ERC2: variants seen among roughly 807,000 people sequenced by gnomAD.
The protein encoded by ERC2 is ERC protein 2.
A neutral mutation model predicts 114.8 loss-of-function variants in ERC2; 42 were observed. That is an observed-to-expected ratio of 0.37 (90% CI 0.29 to 0.47). The LOEUF (loss-of-function observed/expected upper bound fraction) is 0.47, where lower values mean the gene tolerates loss of function less well. Among genes scored for constraint, ERC2 ranks in the 20% least tolerant of loss-of-function variants. ERC2 has a pLI of 0.99. For synonymous variants in ERC2, 454 were observed against 425.5 expected (o/e 1.07, Z -0.82); for missense variants, 939 against 1,150.7 (o/e 0.82, Z 2.66).
At chr3:55,776,588 G>A (rs1212910709) in intron 14 of ERC2, among the ~76,000 whole-genome samples, 1 of 152,196 alleles carries the variant, frequency 6.6e-6, no homozygotes, top group Non-Finnish European at 1.5e-5. Flanking sequence ...AGTTACTCAT[G>A]TGAGCCTGGG....
At chr3:55,554,743 G>A (rs991475914) in intron 17 of ERC2, among the ~76,000 whole-genome samples, 23 of 151,058 alleles carry the variant, frequency 1.5e-4, no homozygotes, top group African/African-American at 4.4e-4. Context: ...CCCCTTCCCC[G>A]TGCTGCAAGC....
At chr3:56,007,847 T>G (rs999706148) in intron 9 of ERC2, among the ~76,000 whole-genome samples, 1 of 152,122 alleles carries the variant, frequency 6.6e-6, no homozygotes, top group Non-Finnish European at 1.5e-5. Flanking sequence ...AACATAAAAT[T>G]ATTTTAAAAT....
intron 2 of ERC2, among the ~76,000 whole-genome samples, chr3:56,334,951 C>T (rs917252842): frequency 2.0e-5 from 3 of 152,122 alleles, no homozygotes; most frequent in African/African-American, 7.2e-5. Flanking sequence ...ACTACAGGCA[C>T]GTGCCACCAT....
At chr3:55,994,919 C>T (rs2071389422) in intron 10 of ERC2, among the ~76,000 whole-genome samples, 2 of 152,200 alleles carry the variant, frequency 1.3e-5, no homozygotes, top group South Asian at 4.1e-4. Context: ...CCACTGTTGA[C>T]ATCATTTGAT....
chr3:55,910,706 G>A (rs545944869), intron 13 of ERC2, among the ~76,000 whole-genome samples: 2 of 152,284 alleles, frequency 1.3e-5, no homozygotes, highest in East Asian at 1.9e-4. Context: ...GCACCCTGTT[G>A]AGTCATCATT....
intron 16 of ERC2, among the ~76,000 whole-genome samples, chr3:55,690,077 A>G (rs1338153104): frequency 6.6e-6 from 1 of 152,212 alleles, no homozygotes; most frequent in East Asian, 1.9e-4. Context: ...TGATTCTTAA[A>G]TATTTTAGAG....
intron 12 of ERC2, among the ~76,000 whole-genome samples, chr3:55,978,174 C>T (rs1045119497): frequency 2.6e-5 from 4 of 152,112 alleles, no homozygotes; most frequent in East Asian, 1.9e-4. Context: ...ATCCTCTAAA[C>T]GCAATATCAG....
chr3:56,389,645 C>T (rs1359707689), intron 2 of ERC2, among the ~76,000 whole-genome samples: 1 of 152,182 alleles, frequency 6.6e-6, no homozygotes, highest in Non-Finnish European at 1.5e-5. Context: ...CCTGCTGCTT[C>T]CCCAGAGGAC....
intron 2 of ERC2, among the ~76,000 whole-genome samples, chr3:56,351,726 T>C (rs759619459): frequency 3.9e-5 from 6 of 152,194 alleles, no homozygotes; most frequent in Non-Finnish European, 7.4e-5. Flanking sequence ...GATGTAGCTC[T>C]GGCATGTGTA....
At chr3:55,736,571 A>G (rs2065648221) in intron 14 of ERC2, among the ~76,000 whole-genome samples, 1 of 152,144 alleles carries the variant, frequency 6.6e-6, no homozygotes. Flanking sequence ...TTGACGCTCC[A>G]TGAAATTGGG....
intron 17 of ERC2, among the ~76,000 whole-genome samples, chr3:55,512,374 C>T (rs1414861745): frequency 6.6e-6 from 1 of 152,182 alleles, no homozygotes; most frequent in Non-Finnish European, 1.5e-5. Context: ...TTAGGGAGTT[C>T]CTAGAGCAGA....
rs543625368 is a variant in ERC2 at position 55,950,383 on chromosome 3, T to C, written c.2403+42A>G. The C allele has an allele frequency of 1.4e-5, 22 of 1,608,712 alleles. No individual in the cohort carries two copies. In the African/African-American group the frequency reaches 2.8e-4, roughly 21 times the overall value. On this transcript the variant is annotated intron_variant, in intron 13 of 17. Coordinates refer to ENST00000288221, the MANE Select transcript of ERC2 (RefSeq NM_015576.3). ...ATGGTGACATTTCTGAGAGAGTCCA[T>C]CTCTAGTTATTTAGCGATTAAGAAG...
chr3:56,428,172 G>A (rs1490913915), intron 2 of ERC2, among the ~76,000 whole-genome samples: 1 of 152,054 alleles, frequency 6.6e-6, no homozygotes, highest in Non-Finnish European at 1.5e-5. Context: ...ATCATATCTG[G>A]ACACTCACAA....
At chr3:55,606,598 G>T (rs937554245) in intron 17 of ERC2, 1 of 152,184 alleles carries the variant, frequency 6.6e-6, no homozygotes, top group Non-Finnish European at 1.5e-5. Flanking sequence ...TTCTACACTG[G>T]TGGGAATCAT....
chr3:56,382,580 A>G (rs1294091696), intron 2 of ERC2, among the ~76,000 whole-genome samples: 1 of 152,138 alleles, frequency 6.6e-6, no homozygotes, highest in African/African-American at 2.4e-5. Flanking sequence ...TTTGAAACAA[A>G]TGATCATGCC....
chr3:55,536,985 G>A (rs955169024), intron 17 of ERC2, among the ~76,000 whole-genome samples: 1 of 152,132 alleles, frequency 6.6e-6, no homozygotes, highest in Non-Finnish European at 1.5e-5. Flanking sequence ...GCTGACAGAG[G>A]GCAAAAGAAA....
At chr3:56,105,488 C>T (rs373683553) in intron 6 of ERC2, among the ~76,000 whole-genome samples, 17 of 151,950 alleles carry the variant, frequency 1.1e-4, no homozygotes, top group Non-Finnish European at 2.9e-5. Context: ...TGTTTTGTTT[C>T]TATTTTTTTA....
In ERC2 at chr3:55,997,885, T is replaced by TGG. The variant is rs1559996305; in HGVS notation, c.2062-5636_2062-5635insCC. On this transcript the variant is annotated intron_variant, in intron 10 of 17. Coordinates refer to ENST00000288221, the MANE Select transcript of ERC2 (RefSeq NM_015576.3). ...ATGTTATACATCTTAATTCTGTTTT[T>TGG]TTTTTTTTTTTTTTTTTTTTTTGTG... is the stretch of plus-strand genomic sequence containing the variant. 1.2e-3 allele frequency among the ~76,000 whole-genome samples: 41 copies of TGG among 33,070 alleles called. 1 individual carries two copies. Among genetic ancestry groups the TGG allele is most frequent in the African/African-American group, 2.7e-3 (29 of 10,806 alleles). 21.7% of individuals were successfully genotyped at this position (33,070 alleles called of 152,430 possible). A position where few individuals can be genotyped will look rare whatever the true frequency, so the allele number is the denominator to read the frequency against.
intron 3 of ERC2, among the ~76,000 whole-genome samples, chr3:56,277,233 T>G (rs2054064529): frequency 6.6e-6 from 1 of 152,218 alleles, no homozygotes; most frequent in Non-Finnish European, 1.5e-5. Context: ...TTTTTTTCAC[T>G]GCTCCTCTTC....
Sources: allele counts gnomAD v4.1 joint callset (sites outside exome capture counted in the v4.1 genomes callset), GRCh38; gene constraint gnomAD v4.1.1; transcripts MANE v1.5; gene names NCBI Gene and HGNC (gene_info 2026-07-23, HGNC 2026-07-21).